The following NRXN3 variants were observed in gnomAD, a reference collection of about 807,000 sequenced individuals.
NRXN3 encodes the protein neurexin 3, also known as neurexin III.
NRXN3 carries 32 observed loss-of-function variants against 137.6 expected under a neutral mutation model. The observed-to-expected ratio is 0.23, with a 90% confidence interval of 0.18 to 0.31. NRXN3 has a LOEUF of 0.31. Ranked by LOEUF, NRXN3 falls within the 10% of genes least tolerant of loss-of-function variation. The pLI, the probability that NRXN3 is intolerant of heterozygous loss-of-function variation, is 1.00. For synonymous variants in NRXN3, 798 were observed against 784.5 expected (o/e 1.02, Z -0.29); for missense variants, 1,574 against 2,062.5 (o/e 0.76, Z 4.59).
At chr14:78,292,739 G>A (rs59906247) in intron 3 of NRXN3, among the ~76,000 whole-genome samples, 5,643 of 152,292 alleles carry the variant, frequency 0.037, 306 homozygotes, top group African/African-American at 0.13. Flanking sequence ...CCGATGGTGA[G>A]ACTGTTTTGG....
At chr14:79,512,211 G>C (rs2096938853) in intron 16 of NRXN3, among the ~76,000 whole-genome samples, 1 of 152,120 alleles carries the variant, frequency 6.6e-6, no homozygotes, top group Non-Finnish European at 1.5e-5. Flanking sequence ...ATAATAAATA[G>C]ATGTATCAAT....
At chr14:78,708,069 A>G (rs1402562836) in intron 6 of NRXN3, among the ~76,000 whole-genome samples, 2 of 152,184 alleles carry the variant, frequency 1.3e-5, no homozygotes, top group African/African-American at 4.8e-5. Context: ...GATACCCAGT[A>G]GTGGGATTGC....
At chr14:78,344,458 C>T (rs528514702) in intron 4 of NRXN3, among the ~76,000 whole-genome samples, 1 of 152,338 alleles carries the variant, frequency 6.6e-6, no homozygotes, top group South Asian at 2.1e-4. Flanking sequence ...ATTAAAATTC[C>T]TCTGGGCATG....
At chr14:78,420,057 C>T (rs1294589910) in intron 4 of NRXN3, among the ~76,000 whole-genome samples, 3 of 151,880 alleles carry the variant, frequency 2.0e-5, no homozygotes, top group Non-Finnish European at 4.4e-5. Context: ...CTTGTATGCA[C>T]AGCACTCAAC....
chr14:78,286,465 C>T (rs1253684999), intron 3 of NRXN3, among the ~76,000 whole-genome samples: 1 of 152,136 alleles, frequency 6.6e-6, no homozygotes, highest in Non-Finnish European at 1.5e-5. Context: ...TGGAGACCCT[C>T]CCAGTCTGCA....
chr14:78,296,115 G>A (rs4903740), intron 3 of NRXN3, among the ~76,000 whole-genome samples: 12,237 of 145,662 alleles, frequency 0.084, 670 homozygotes, highest in Admixed American at 0.16. Flanking sequence ...CTGGAGTGCA[G>A]TGGTGCGATC....
At chr14:79,717,748 C>T (rs2154058582) in intron 19 of NRXN3, among the ~76,000 whole-genome samples, 1 of 152,294 alleles carries the variant, frequency 6.6e-6, no homozygotes, top group Middle Eastern at 3.4e-3. Flanking sequence ...TGTTTTTCCA[C>T]TATGGCTTAC....
intron 16 of NRXN3, among the ~76,000 whole-genome samples, chr14:79,533,420 C>G (rs1052677468): frequency 6.6e-6 from 1 of 152,136 alleles, no homozygotes; most frequent in African/African-American, 2.4e-5. Flanking sequence ...AAGAAAACAG[C>G]TTTTTGACTA....
intron 16 of NRXN3, among the ~76,000 whole-genome samples, chr14:79,482,241 C>T (rs1272666951): frequency 1.3e-5 from 2 of 152,098 alleles, no homozygotes; most frequent in East Asian, 1.9e-4. Flanking sequence ...TTGGCCCATG[C>T]CCAGGAATGA....
chr14:79,280,576 A>G (rs1449874359), intron 15 of NRXN3: 2 of 1,573,052 alleles, frequency 1.3e-6, no homozygotes, highest in East Asian at 2.2e-5. Context: ...AATGGGGCAT[A>G]GCAATTCGCT....
intron 4 of NRXN3, among the ~76,000 whole-genome samples, chr14:78,307,718 A>T (rs1455298203): frequency 1.3e-5 from 2 of 152,146 alleles, no homozygotes; most frequent in African/African-American, 2.4e-5. Context: ...TGGATGTCTG[A>T]TTGTAAAAGT....
chr14:78,275,309 A>G (rs1426376409), intron 2 of NRXN3, among the ~76,000 whole-genome samples: 2 of 152,188 alleles, frequency 1.3e-5, no homozygotes, highest in Non-Finnish European at 2.9e-5. Flanking sequence ...AGTTCAGCCT[A>G]TGATAGATGC....
intron 4 of NRXN3, among the ~76,000 whole-genome samples, chr14:78,571,281 T>C (rs1395088647): frequency 1.3e-5 from 2 of 152,096 alleles, no homozygotes; most frequent in Non-Finnish European, 2.9e-5. Context: ...GTGGGGTGAC[T>C]AGTGAGGAGG....
intron 6 of NRXN3, among the ~76,000 whole-genome samples, chr14:78,664,415 C>T (rs190755582): frequency 5.9e-5 from 9 of 152,320 alleles, no homozygotes; most frequent in African/African-American, 2.2e-4. Flanking sequence ...TCTGCTCCAT[C>T]CCTTCAGCTA....
At chr14:79,517,997 C>A (rs556737912) in intron 16 of NRXN3, among the ~76,000 whole-genome samples, 1 of 146,590 alleles carries the variant, frequency 6.8e-6, no homozygotes, top group South Asian at 2.2e-4. Flanking sequence ...CCTCCACCTC[C>A]TGGGTTCAAG....
At chr14:79,279,860 A>T (rs1330841116) in intron 15 of NRXN3, 9 of 1,011,696 alleles carry the variant, frequency 8.9e-6, no homozygotes, top group Non-Finnish European at 8.3e-6. Context: ...ACCTGAACCC[A>T]CTTGGGTTCG....
At chr14:78,852,359 A>T (rs960552861) in intron 10 of NRXN3, among the ~76,000 whole-genome samples, 2 of 152,206 alleles carry the variant, frequency 1.3e-5, no homozygotes, top group South Asian at 4.1e-4. Flanking sequence ...ACAATTTGAT[A>T]ATTAACAATG....
At chr14:78,492,608 A>G (rs1342327626) in intron 4 of NRXN3, among the ~76,000 whole-genome samples, 1 of 152,196 alleles carries the variant, frequency 6.6e-6, no homozygotes, top group East Asian at 1.9e-4. Flanking sequence ...ACACACACAT[A>G]AGCCATTTGT....
intron 1 of NRXN3, among the ~76,000 whole-genome samples, chr14:78,205,069 G>T (rs987237219): frequency 6.6e-6 from 1 of 152,168 alleles, no homozygotes; most frequent in Non-Finnish European, 1.5e-5. Flanking sequence ...TTAGGTGCCC[G>T]CTGCCCCAGC....
Sources: gnomAD v4.1 joint callset for allele counts (sites outside exome capture counted in the v4.1 genomes callset) on GRCh38, gnomAD v4.1.1 for gene constraint, MANE v1.5 for transcripts, NCBI Gene and HGNC (gene_info 2026-07-23, HGNC 2026-07-21) for gene names.